HNF4A: variants seen among roughly 807,000 people sequenced by gnomAD.
HNF4A encodes the protein hepatocyte nuclear factor 4 alpha, also known as hepatocyte nuclear factor 4-alpha.
HNF4A carries 15 observed loss-of-function variants against 52.4 expected under a neutral mutation model. The ratio of observed to expected loss-of-function variants is 0.29; its 90% confidence interval spans 0.19 to 0.44. HNF4A has a LOEUF of 0.44. Ranked by LOEUF, HNF4A falls within the 20% of genes least tolerant of loss-of-function variation. The pLI, the probability that HNF4A is intolerant of heterozygous loss-of-function variation, is 1.00. For missense variants in HNF4A, 479 were observed against 647.2 expected (o/e 0.74, Z 2.82); for synonymous variants, 280 against 264.4 (o/e 1.06, Z -0.57).
intron 7 of HNF4A, 115 bp downstream of exon 7, chr20:44,419,991 C>G (rs1482411897): frequency 9.4e-7 from 1 of 1,064,518 alleles, no homozygotes; most frequent in East Asian, 2.4e-5. Context: ...TTAACGACAG[C>G]CAGGAGAGGC....
intron 1 of HNF4A, among the ~76,000 whole-genome samples, chr20:44,401,976 G>A (rs553238044): frequency 6.6e-6 from 1 of 152,262 alleles, no homozygotes; most frequent in South Asian, 2.1e-4. Flanking sequence ...AATGAAATTG[G>A]CACTTAGGGA....
In HNF4A at chr20:44,420,045, A is replaced by C. The variant is rs3212201; in HGVS notation, c.892+169A>C. Among the ~76,000 whole-genome samples the C allele has an allele frequency of 6.1e-4, 92 of 152,056 alleles. No homozygotes were observed. In the South Asian group the frequency reaches 0.014, roughly 23 times the overall value. ...GAGGCAAGTCAAGATTTGAAGAGAC[A>C]ATATGGCCGGGCGCAGTGGCTCACA... is the stretch of plus-strand genomic sequence containing the variant. On this transcript the variant is annotated intron_variant, in intron 7 of 9. Transcript: ENST00000316099.
chr20:44,368,169 T>A (rs1463165510), intron 1 of HNF4A, among the ~76,000 whole-genome samples: 20 of 98,878 alleles, frequency 2.0e-4, no homozygotes, highest in African/African-American at 7.8e-4. Context: ...TATTTTTTTT[T>A]TTTTTTTTTT....
At position 44,427,577 on chromosome 20, in the gene HNF4A, T is replaced by C. The variant is rs544950220; in HGVS notation, c.1130-758T>C. 2.6e-5 allele frequency among the ~76,000 whole-genome samples: 4 copies of C among 152,354 alleles called. No individual in the cohort carries two copies. In the East Asian group the frequency reaches 5.8e-4, roughly 22 times the overall value. On this transcript the variant is annotated intron_variant, in intron 8 of 9. Coordinates refer to ENST00000316099, the MANE Select transcript of HNF4A (RefSeq NM_000457.6). ...TAGGCTATTATTAAACCATATCCCA[T>C]GTGGTATTTTTACTCCCTGACATAT...
intron 1 of HNF4A, among the ~76,000 whole-genome samples, chr20:44,376,315 G>A (rs62206818): frequency 6.6e-6 from 1 of 152,038 alleles, no homozygotes; most frequent in Non-Finnish European, 1.5e-5. Context: ...ACGGTTGCTT[G>A]TCATTGTGCA....
chr20:44,404,948 GAA>G (rs1368904494), intron 1 of HNF4A, among the ~76,000 whole-genome samples: 2 of 55,114 alleles, frequency 3.6e-5, no homozygotes, highest in Admixed American at 3.8e-4. Flanking sequence ...GCGTGTGTGG[GAA>G]CTGTGTGGTG....
In HNF4A at chr20:44,428,472, C is replaced by T. The variant is rs752467976; in HGVS notation, c.1267C>T (p.Pro423Ser). Residue 423 changes from proline (P) to serine (S), a missense_variant, in exon 9 of 10, where the codon CCC becomes TCC. This residue lies in a region of HNF4A where 389 missense variants were observed against 525.1 expected (regional missense o/e 0.74). Coordinates refer to ENST00000316099, the MANE Select transcript of HNF4A (RefSeq NM_000457.6). ...CGGACAGATGTGTGAGTGGCCCCGA[C>T]CCAGGGGACAGGCAGGTGGGCAAAC... 1 of 1,614,084 alleles carries T rather than the reference C, an allele frequency of 6.2e-7. No homozygotes were observed. Among genetic ancestry groups the T allele is most frequent in the South Asian group, 1.1e-5 (1 of 91,078 alleles).
At chr20:44,369,609 A>G (rs1002613076) in intron 1 of HNF4A, among the ~76,000 whole-genome samples, 1 of 151,960 alleles carries the variant, frequency 6.6e-6, no homozygotes, top group Non-Finnish European at 1.5e-5. Context: ...CCCAGCTGAA[A>G]CTCCTCCAAC....
chr20:44,369,580 G>GT (rs1279885899), intron 1 of HNF4A, among the ~76,000 whole-genome samples: 2 of 152,198 alleles, frequency 1.3e-5, no homozygotes, highest in African/African-American at 4.8e-5. Context: ...GAAGGTCAGA[G>GT]TACAGCCATG....
chr20:44,357,201 A>G (rs141071797), intron 1 of HNF4A, among the ~76,000 whole-genome samples: 20 of 152,274 alleles, frequency 1.3e-4, no homozygotes, highest in African/African-American at 4.8e-4. Flanking sequence ...GAAGAAACCA[A>G]CAGCCTGGGA....
Position 44,428,447 on chromosome 20 carries a change from C to A in HNF4A, c.1242C>A (p.Asn414Lys). 6.2e-7 allele frequency: 1 copy of A among 1,614,170 alleles called. No homozygotes were observed. Among genetic ancestry groups the A allele is most frequent in the African/African-American group, 1.3e-5 (1 of 75,044 alleles). Reference sequence around the variant, plus strand: ...ACACAATGCCCACTCACCTCAGCAACGGACAGATGTGTGAGTGGCCCCGAC... The same window carrying A: ...ACACAATGCCCACTCACCTCAGCAAAGGACAGATGTGTGAGTGGCCCCGAC... Residue 414 changes from asparagine to lysine, a missense_variant, in exon 9 of 10, where the codon AAC becomes AAA. Around this residue, in one of 3 missense-constraint regions of HNF4A, gnomAD observed 389 missense variants for 525.1 expected, o/e 0.74. Transcript: ENST00000316099.
chr20:44,418,354 C>A (rs1419591475), intron 5 of HNF4A, 71 bp from the exon 6 acceptor site: 3 of 1,223,830 alleles, frequency 2.5e-6, no homozygotes, highest in East Asian at 2.3e-5. Context: ...ACTTGCCCAG[C>A]GTCACTGAGT....
chr20:44,408,839 T>C (rs1044849881), intron 3 of HNF4A, among the ~76,000 whole-genome samples: 3 of 152,120 alleles, frequency 2.0e-5, no homozygotes, highest in African/African-American at 7.2e-5. Flanking sequence ...TAGCCCACAG[T>C]TGTGCCGTAC....
In HNF4A at chr20:44,414,416, T is replaced by C; in HGVS notation, c.493-91T>C. On this transcript the variant is annotated intron_variant, in intron 4 of 9. Transcript: ENST00000316099. ...CCCACTATCCAGCCCCCTCCCCACA[T>C]CTGATTCCAGGGAGGGGGCTCTGTG... 3.2e-6 allele frequency: 5 copies of C among 1,580,720 alleles called. No homozygotes were observed. The South Asian group carries it at 4.5e-5, about 14-fold the overall frequency.
chr20:44,424,703 G>T (rs1442765613), intron 8 of HNF4A: 1 of 871,056 alleles, frequency 1.1e-6, no homozygotes, highest in Admixed American at 3.6e-5. Flanking sequence ...TCTCTGAAGT[G>T]GTGACTCTTG....
At chr20:44,361,139 C>T (rs2062912652) in intron 1 of HNF4A, among the ~76,000 whole-genome samples, 1 of 152,104 alleles carries the variant, frequency 6.6e-6, no homozygotes, top group Non-Finnish European at 1.5e-5. Flanking sequence ...CATCCTACGT[C>T]AATTCAGTCT....
At chr20:44,399,413 C>T (rs572430027), upstream of HNF4A, among the ~76,000 whole-genome samples, 2 of 152,244 alleles carry the variant, frequency 1.3e-5, no homozygotes, top group South Asian at 4.2e-4. Context: ...TCTAGCCTCT[C>T]TTGTCCTCCA....
chr20:44,406,828 G>A (rs1295258174), intron 2 of HNF4A, among the ~76,000 whole-genome samples: 4 of 152,242 alleles, frequency 2.6e-5, no homozygotes, highest in South Asian at 2.1e-4. Context: ...GATGGTTACT[G>A]TTGTTATTCC....
intron 1 of HNF4A, among the ~76,000 whole-genome samples, chr20:44,372,042 G>A (rs767946802): frequency 2.6e-5 from 4 of 152,074 alleles, no homozygotes; most frequent in African/African-American, 4.8e-5. Flanking sequence ...TTAGAGGAAC[G>A]TGTGAACTTT....
Sources: allele counts gnomAD v4.1 joint callset (sites outside exome capture counted in the v4.1 genomes callset), GRCh38; gene constraint gnomAD v4.1.1; regional missense constraint gnomAD v4.1.1; transcripts MANE v1.5; gene names NCBI Gene and HGNC (gene_info 2026-07-23, HGNC 2026-07-21).